CBARP: variants seen among roughly 807,000 people sequenced by gnomAD.
CBARP encodes voltage-dependent calcium channel beta subunit-associated regulatory protein.
Under a neutral mutation model 36.3 loss-of-function variants are expected in CBARP, and 24 were observed. The observed-to-expected ratio is 0.66, with a 90% confidence interval of 0.48 to 0.93. The LOEUF (loss-of-function observed/expected upper bound fraction) is 0.93, where lower values mean the gene tolerates loss of function less well. CBARP is among the 40% of genes least tolerant of loss of function. The pLI, the probability that CBARP is intolerant of heterozygous loss-of-function variation, is 0.00. For missense variants in CBARP, 1,146 were observed against 980.4 expected, an observed-to-expected ratio of 1.17 and a Z score of -2.26; for synonymous variants, 586 against 453.2, an observed-to-expected ratio of 1.29 and a Z score of -3.72.
chr19:1,230,250 C>T (rs981536214), intron 9 of CBARP, 108 bp from the exon 10 acceptor site: 1 of 993,076 alleles, frequency 1.0e-6, no homozygotes. Context: ...GGACTTGGGA[C>T]TCGGGCGGGC....
At chr19:1,233,229 C>G (rs1026147643) in intron 8 of CBARP, among the ~76,000 whole-genome samples, 197 bp downstream of exon 8, 1 of 152,206 alleles carries the variant, frequency 6.6e-6, no homozygotes, top group Non-Finnish European at 1.5e-5. Flanking sequence ...TGGCTCAGGC[C>G]GCCCGCACAC....
chr19:1,237,071 C>T (rs1259322977), intron 1 of CBARP, among the ~76,000 whole-genome samples: 1 of 152,104 alleles, frequency 6.6e-6, no homozygotes, highest in African/African-American at 2.4e-5. Context: ...GGGCTGGCGC[C>T]GGGGTGCTCG....
In CBARP at chr19:1,231,125, G is replaced by T; in HGVS notation, c.1130C>A (p.Ala377Asp). The T allele has an allele frequency of 6.3e-7, 1 of 1,599,674 alleles. No homozygotes were observed. The highest frequency in any genetic ancestry group is 8.5e-7 in the Non-Finnish European group (1 of 1,172,550). Residue 377 changes from alanine to aspartate, a missense_variant, in exon 9 of 10, where the codon GCC (alanine) becomes GAC (aspartate). Physicochemically the swap from Ala to Asp is moderately radical, Grantham distance 126. Transcript: ENST00000650044. The part of the protein sequence containing the change: ...VAFPHPRPFL[A>D]SPPPALGRLE... ...CCTGCCGAGAGCAGGGGGCGGGCTGGCCAGAAAGGGGCGGGGGTGCGGGAA... is the reference window on the plus strand; with the variant it reads ...CCTGCCGAGAGCAGGGGGCGGGCTGTCCAGAAAGGGGCGGGGGTGCGGGAA...
Position 1,234,458 on chromosome 19 carries a change from A to G in CBARP, c.627+113T>C, listed in dbSNP as rs895168883. On this transcript the variant is annotated intron_variant, in intron 6 of 9. Transcript: ENST00000650044. ...TGCCCTGCTCCACCCCACCCCGCCC[A>G]TCCCGAGATGAGGGCCACCCAGAAA... 5.9e-6 allele frequency: 8 copies of G among 1,359,006 alleles called. No homozygotes were observed. In the African/African-American group the frequency reaches 1.2e-4, roughly 20 times the overall value. 84.2% of individuals were successfully genotyped at this position (1,359,006 alleles called of 1,614,324 possible).
chr19:1,229,603 G>T lies in CBARP; in HGVS notation c.1694C>A (p.Ala565Asp). 8.3e-7 allele frequency: 1 copy of T among 1,198,014 alleles called. No individual in the cohort carries two copies. The highest frequency in any genetic ancestry group is 1.1e-6 in the Non-Finnish European group (1 of 946,688). The allele number at this position is 1,198,014 out of a possible 1,614,324, so 74.2% of individuals were successfully genotyped here. The change falls in exon 10 of 10, where the codon GCT becomes GAT. Residue 565 changes from alanine to aspartate, a missense_variant. Physicochemically the swap from Ala to Asp is moderately radical, Grantham distance 126 (BLOSUM62 -2). Coordinates refer to ENST00000650044, the MANE Select transcript of CBARP (RefSeq NM_001393918.1). The surrounding 1 kb of genome is among the most constrained non-coding windows in gnomAD (Gnocchi z 5.1). The part of the protein sequence containing the change: ...RHDPHFDDTP[A>D]AARHRARAHP... ...CGCGCGGGCGCGGTGTCGCGCGGCAGCCGGCGTGTCGTCGAAGTGCGGGTC... is the reference window on the plus strand; with the variant it reads ...CGCGCGGGCGCGGTGTCGCGCGGCATCCGGCGTGTCGTCGAAGTGCGGGTC...
At chr19:1,235,958 A>G in intron 2 of CBARP, 38 bp downstream of exon 2, 1 of 1,589,662 alleles carries the variant, frequency 6.3e-7, no homozygotes, top group Middle Eastern at 1.7e-4. Context: ...GCTGGCCTGG[A>G]CGACCTCCTG....
At chr19:1,236,497 G>C (rs1271515517) in intron 1 of CBARP, among the ~76,000 whole-genome samples, 5 of 152,238 alleles carry the variant, frequency 3.3e-5, no homozygotes, top group Middle Eastern at 3.4e-3. Flanking sequence ...CAGCCGGCTC[G>C]AGAAGGACTC....
In CBARP at chr19:1,236,036, G is replaced by T. The variant is rs1173573390; in HGVS notation, c.65C>A (p.Ala22Asp). ...GGCATTGTCCCACGACGTCGTCAGGGCTACTGTGGCAGTGGTGGTGGTGGT... is the reference window on the plus strand; with the variant it reads ...GGCATTGTCCCACGACGTCGTCAGGTCTACTGTGGCAGTGGTGGTGGTGGT... ...TTTTTTTATV[A>D]LTTSWDNATG... The change falls in exon 2 of 10, where the codon GCC (alanine) becomes GAC (aspartate). Residue 22 changes from alanine (A) to aspartate (D), a missense_variant. Coordinates refer to ENST00000650044, the MANE Select transcript of CBARP (RefSeq NM_001393918.1). 1 of 1,538,800 alleles carries T rather than the reference G, an allele frequency of 6.5e-7. No homozygotes were observed.
rs753157343 is a variant in CBARP at position 1,229,919 on chromosome 19, G to C, written c.1378C>G (p.Arg460Gly). Residue 460 changes from arginine to glycine, a missense_variant, in exon 10 of 10, where the codon CGC becomes GGC. Transcript: ENST00000650044. This position sits in a 1 kb window ranked among gnomAD's most constrained non-coding sequence, Gnocchi z 5.1. ...CTGTCGCCGCTGCGCACCGAGTCGC[G>C]GTCGTTGCCGCTGCTGCTGTGGTCC... ...ASDHSSSGND[R>G]DSVRSGDSSG... 23 of 1,143,054 alleles carry C rather than the reference G, an allele frequency of 2.0e-5. No individual in the cohort carries two copies. The allele number at this position is 1,143,054 out of a possible 1,614,324, so 70.8% of individuals were successfully genotyped here. A position where few individuals can be genotyped will look rare whatever the true frequency, so the allele number is the denominator to read the frequency against.
intron 8 of CBARP, among the ~76,000 whole-genome samples, chr19:1,232,386 C>T (rs1044955854): frequency 6.6e-6 from 1 of 152,128 alleles, no homozygotes. Context: ...GATGATGTGT[C>T]CTCTGTCATG....
At chr19:1,237,256 A>T (rs1264626808) in intron 1 of CBARP, among the ~76,000 whole-genome samples, 2 of 152,168 alleles carry the variant, frequency 1.3e-5, no homozygotes, top group African/African-American at 4.8e-5. Context: ...TCCCGGTCAC[A>T]GGCTGCCCGG....
rs1437181453 is a variant in CBARP at position 1,231,084 on chromosome 19, C to T, written c.1154+17G>A. The T allele has an allele frequency of 2.5e-6, 4 of 1,592,370 alleles. No homozygotes were observed. Among genetic ancestry groups the T allele is most frequent in the Admixed American group, 3.4e-5 (2 of 58,750 alleles). On this transcript the variant is annotated intron_variant, in intron 9 of 9. Coordinates refer to ENST00000650044, the MANE Select transcript of CBARP (RefSeq NM_001393918.1). The stretch of plus-strand genomic sequence containing the variant: ...CCCACAGGTCCACCCCTAGCACCTC[C>T]ATCTACTGAAAAATACCTGCCGAGA...
chr19:1,232,886 AC>A (rs1409221889), intron 8 of CBARP, among the ~76,000 whole-genome samples: 17 of 152,110 alleles, frequency 1.1e-4, no homozygotes, highest in Admixed American at 2.0e-4. Flanking sequence ...AAGTCTGCTG[AC>A]CCCTGGCCCA....
At chr19:1,230,990 G>A (rs2080882622) in intron 9 of CBARP, 111 bp downstream of exon 9, 4 of 1,550,868 alleles carry the variant, frequency 2.6e-6, no homozygotes, top group Non-Finnish European at 3.5e-6. Context: ...GGAGGCAGGC[G>A]AGCGCGTGTC....
chr19:1,235,001 C>T lies in CBARP; in HGVS notation c.455G>A (p.Arg152Gln), dbSNP rs748030029. Reference protein sequence around the residue: ...QSRKTQDKGRRYTLTEGDFHH... With the variant: ...QSRKTQDKGRQYTLTEGDFHH... ...TGCCTCCCAACGCCGCCCCGCTTAC[C>T]GGCGACCCTTGTCCTGCGTCTTGCG... The change falls in exon 5 of 10, where the codon CGG becomes CAG. Residue 152 changes from arginine to glutamine, a missense_variant and splice_region_variant. Coordinates refer to ENST00000650044, the MANE Select transcript of CBARP (RefSeq NM_001393918.1). The T allele has an allele frequency of 3.1e-6, 5 of 1,599,818 alleles. No individual in the cohort carries two copies. Among genetic ancestry groups the T allele is most frequent in the South Asian group, 1.1e-5 (1 of 90,706 alleles).
chr19:1,231,303 A>G (rs2145448401), intron 8 of CBARP, 28 bp from the exon 9 acceptor site: 2 of 1,590,850 alleles, frequency 1.3e-6, no homozygotes, highest in East Asian at 2.2e-5. Context: ...CGTAAGCGTC[A>G]GCCGGCATGT....
rs775933099 is a variant in CBARP at position 1,233,581 on chromosome 19, G to A, written c.824C>T (p.Pro275Leu). Residue 275 changes from proline to leucine, a missense_variant, in exon 8 of 10, where the codon CCT (proline) becomes CTT (leucine). By Grantham distance (98) the Pro-to-Leu change is moderately conservative (BLOSUM62 -3). Transcript: ENST00000650044. ...KAGGPGAAAG[P>L]GEAGPGSGAG... Reference sequence around the variant, plus strand: ...CCCGGATCCCGGGCCCGCCTCCCCAGGCCCTGCTGCAGCCCCGGGCCCTCC... The same window carrying A: ...CCCGGATCCCGGGCCCGCCTCCCCAAGCCCTGCTGCAGCCCCGGGCCCTCC... 2.5e-6 allele frequency: 4 copies of A among 1,610,826 alleles called. No homozygotes were observed. Among genetic ancestry groups the A allele is most frequent in the South Asian group, 1.1e-5 (1 of 90,880 alleles).
At position 1,237,854 on chromosome 19, in the gene CBARP, C is replaced by G. The variant is rs1280205755; in HGVS notation, c.-120G>C. 1 of 148,028 alleles carries G rather than the reference C, an allele frequency of 6.8e-6. No individual in the cohort carries two copies. Among genetic ancestry groups the G allele is most frequent in the South Asian group, 2.1e-4 (1 of 4,828 alleles). 9.2% of individuals were successfully genotyped at this position (148,028 alleles called of 1,614,324 possible). On this transcript the variant is annotated 5_prime_UTR_variant, in exon 1 of 10. Coordinates refer to ENST00000650044, the MANE Select transcript of CBARP (RefSeq NM_001393918.1). ...CGGCGCCCGGTGGCCGCGGAGCAGG[C>G]GGAGAATTTATGAATGGAGAGCGCG... is the stretch of plus-strand genomic sequence containing the variant.
intron 8 of CBARP, 37 bp downstream of exon 8, chr19:1,233,389 C>T: frequency 6.5e-7 from 1 of 1,531,164 alleles, no homozygotes. Flanking sequence ...GCACCCAGCC[C>T]ACAGGGGCCC....
Sources: allele counts gnomAD v4.1 joint callset (sites outside exome capture counted in the v4.1 genomes callset), GRCh38; gene constraint gnomAD v4.1.1; non-coding constraint Gnocchi (gnomAD v3.1); transcripts MANE v1.5; gene names NCBI Gene and HGNC (gene_info 2026-07-23, HGNC 2026-07-21).